Variants in CLPB observed in about 807,000 individuals in gnomAD.
The protein encoded by CLPB is ClpB family mitochondrial disaggregase.
A neutral mutation model predicts 78.4 loss-of-function variants in CLPB; 40 were observed. That is an observed-to-expected ratio of 0.51 (90% CI 0.40 to 0.66). The LOEUF (loss-of-function observed/expected upper bound fraction) is 0.66. CLPB is among the 30% of genes least tolerant of loss of function. The probability of loss-of-function intolerance (pLI) is 0.00; values close to 1 mark genes in which losing one functional copy is unlikely to be tolerated. For missense variants in CLPB, 780 were observed against 886.9 expected (o/e 0.88, Z 1.53); for synonymous variants, 333 against 348.0 (o/e 0.96, Z 0.48).
chr11:72,314,250 G>C (rs952263727), intron 7 of CLPB, among the ~76,000 whole-genome samples: 3 of 152,218 alleles, frequency 2.0e-5, no homozygotes, highest in African/African-American at 7.2e-5. Context: ...ACCGGGACTA[G>C]GTGGACGGAA....
Position 72,285,515 on chromosome 11 carries a change from A to C in CLPB, c.*7852T>G, listed in dbSNP as rs1590744113. 6.6e-6 allele frequency: 1 copy of C among 152,094 alleles called. No individual in the cohort carries two copies. Among genetic ancestry groups the C allele is most frequent in the East Asian group, 1.9e-4 (1 of 5,206 alleles). 9.4% of individuals were successfully genotyped at this position (152,094 alleles called of 1,614,324 possible). A position where few individuals can be genotyped will look rare whatever the true frequency, so the allele number is the denominator to read the frequency against. ...TTAGATTTGTATTAAATTATTTATTAGGTTTACATTAAGTTATATATTAAG... is the reference window on the plus strand; with the variant it reads ...TTAGATTTGTATTAAATTATTTATTCGGTTTACATTAAGTTATATATTAAG... On this transcript the variant is annotated 3_prime_UTR_variant, in exon 16 of 16. Coordinates refer to ENST00000538039, the MANE Select transcript of CLPB (RefSeq NM_001258392.3).
chr11:72,302,381 T>C, intron 9 of CLPB, 33 bp from the exon 10 acceptor site: 1 of 1,609,994 alleles, frequency 6.2e-7, no homozygotes, highest in Non-Finnish European at 8.5e-7. Context: ...CAACTCCGTT[T>C]GGAGGCAGGA....
At chr11:72,340,436 A>G (rs1791080267) in intron 5 of CLPB, among the ~76,000 whole-genome samples, 1 of 152,230 alleles carries the variant, frequency 6.6e-6, no homozygotes, top group South Asian at 2.1e-4. Flanking sequence ...ATGAGCCAGG[A>G]AAGAGTTCCA....
Position 72,312,995 on chromosome 11 carries a change from A to G in CLPB, c.988+4111T>C, listed in dbSNP as rs1275871097. Among the ~76,000 whole-genome samples the G allele has an allele frequency of 6.6e-6, 1 of 152,154 alleles. No homozygotes were observed. The highest frequency in any genetic ancestry group is 1.5e-5 in the Non-Finnish European group (1 of 68,018). ...AGGAAGAAGGCCCCAGTGTGTGTAC[A>G]ACCAAAAAGGCAAGAGCGGCCTCCT... On this transcript the variant is annotated intron_variant, in intron 7 of 15. Transcript: ENST00000538039. The surrounding 1 kb of genome is among the most constrained non-coding windows in gnomAD (Gnocchi z 4.2).
At chr11:72,331,393 GA>G (rs1950222952) in intron 5 of CLPB, among the ~76,000 whole-genome samples, 1 of 148,622 alleles carries the variant, frequency 6.7e-6, no homozygotes, top group Admixed American at 6.7e-5. Flanking sequence ...GACAGAGCGA[GA>G]CTCTGTCTCA....
intron 3 of CLPB, among the ~76,000 whole-genome samples, chr11:72,402,138 T>C (rs1417616063): frequency 6.6e-6 from 1 of 151,248 alleles, no homozygotes; most frequent in East Asian, 1.9e-4. Context: ...TGCATACCTG[T>C]AGTCCTAGCT....
intron 5 of CLPB, among the ~76,000 whole-genome samples, chr11:72,356,492 A>C (rs1441028594): frequency 6.6e-6 from 1 of 152,098 alleles, no homozygotes; most frequent in African/African-American, 2.4e-5. Flanking sequence ...GGGAGGTCAG[A>C]AGTTGGCAGC....
intron 11 of CLPB, among the ~76,000 whole-genome samples, chr11:72,300,917 C>T (rs974990626): frequency 2.0e-5 from 3 of 152,168 alleles, no homozygotes; most frequent in Non-Finnish European, 4.4e-5. Flanking sequence ...AGCAATCCCT[C>T]GCCTGGTTCA....
intron 2 of CLPB, among the ~76,000 whole-genome samples, chr11:72,413,474 T>C (rs912841981): frequency 2.6e-5 from 4 of 152,150 alleles, no homozygotes; most frequent in African/African-American, 4.8e-5. Flanking sequence ...ACCAGATACA[T>C]TGGTACATGC....
intron 2 of CLPB, among the ~76,000 whole-genome samples, chr11:72,425,263 C>T (rs1856339737): frequency 6.6e-6 from 1 of 152,204 alleles, no homozygotes; most frequent in South Asian, 2.1e-4. Context: ...CCTAGTTAGA[C>T]TGTGCCAAGA....
chr11:72,370,330 C>T (rs947115857), intron 4 of CLPB, among the ~76,000 whole-genome samples: 2 of 152,184 alleles, frequency 1.3e-5, no homozygotes, highest in African/African-American at 4.8e-5. Flanking sequence ...CACACACACA[C>T]ACACAGTTTG....
intron 3 of CLPB, among the ~76,000 whole-genome samples, chr11:72,382,693 T>C (rs1854953274): frequency 6.6e-6 from 1 of 152,190 alleles, no homozygotes; most frequent in South Asian, 2.1e-4. Flanking sequence ...CCAGAATCTC[T>C]GGACAGGCTG....
chr11:72,407,695 G>A (rs1409294655), intron 2 of CLPB, among the ~76,000 whole-genome samples: 4 of 149,370 alleles, frequency 2.7e-5, no homozygotes, highest in Non-Finnish European at 5.9e-5. Flanking sequence ...CGCCCAGGCT[G>A]GAGTGCAGTG....
intron 4 of CLPB, among the ~76,000 whole-genome samples, chr11:72,378,076 T>C (rs1056963467): frequency 5.3e-5 from 8 of 152,168 alleles, no homozygotes; most frequent in Non-Finnish European, 1.2e-4. Context: ...TGAATGTACA[T>C]TGTGGAGATC....
chr11:72,320,329 C>T (rs1950022948), intron 6 of CLPB, among the ~76,000 whole-genome samples: 1 of 152,188 alleles, frequency 6.6e-6, no homozygotes, highest in Admixed American at 6.5e-5. Context: ...TCTTCAGTGT[C>T]ATGGTTTTAG....
At chr11:72,425,680 C>T (rs903278035) in intron 2 of CLPB, among the ~76,000 whole-genome samples, 7 of 152,202 alleles carry the variant, frequency 4.6e-5, no homozygotes, top group Non-Finnish European at 1.0e-4. Flanking sequence ...TACCTGTCTC[C>T]AGTCCCTCCT....
intron 5 of CLPB, among the ~76,000 whole-genome samples, chr11:72,333,854 A>G (rs1950272550): frequency 6.6e-6 from 1 of 152,144 alleles, no homozygotes; most frequent in African/African-American, 2.4e-5. Context: ...CTCCCCGCAG[A>G]GCTAAACCAC....
chr11:72,336,311 C>T (rs1384645107), intron 5 of CLPB, among the ~76,000 whole-genome samples: 1 of 152,122 alleles, frequency 6.6e-6, no homozygotes, highest in East Asian at 1.9e-4. Context: ...GACATTCATG[C>T]CCCTCCCCAC....
At chr11:72,418,416 C>T (rs1407554234) in intron 2 of CLPB, among the ~76,000 whole-genome samples, 1 of 152,186 alleles carries the variant, frequency 6.6e-6, no homozygotes, top group African/African-American at 2.4e-5. Context: ...CAATTATCAT[C>T]CCTACTTTGC....
Sources: gnomAD v4.1 joint callset for allele counts (sites outside exome capture counted in the v4.1 genomes callset) on GRCh38, gnomAD v4.1.1 for gene constraint, Gnocchi (gnomAD v3.1) non-coding constraint, MANE v1.5 for transcripts, NCBI Gene and HGNC (gene_info 2026-07-23, HGNC 2026-07-21) for gene names.